Variants in GRB14 observed in about 807,000 individuals in gnomAD.
GRB14 encodes the protein growth factor receptor-bound protein 14.
Under a neutral mutation model 69.1 loss-of-function variants are expected in GRB14, and 38 were observed. That is an observed-to-expected ratio of 0.55 (90% CI 0.42 to 0.72). The LOEUF (loss-of-function observed/expected upper bound fraction) is 0.72. Among genes scored for constraint, GRB14 ranks in the 30% least tolerant of loss-of-function variants. GRB14 has a pLI of 0.00. For missense variants in GRB14, 666 were observed against 666.1 expected (o/e 1.00, Z 0.00); for synonymous variants, 247 against 241.3 (o/e 1.02, Z -0.22).
intron 11 of GRB14, 35 bp downstream of exon 11, chr2:164,497,176 G>A (rs371302328): frequency 1.5e-5 from 24 of 1,595,010 alleles, no homozygotes; most frequent in African/African-American, 1.1e-4. Context: ...ATGTCTATCC[G>A]TCTACTCAGT....
At chr2:164,617,702 A>T (rs1574361881) in intron 2 of GRB14, among the ~76,000 whole-genome samples, 1 of 152,196 alleles carries the variant, frequency 6.6e-6, no homozygotes, top group East Asian at 1.9e-4. Context: ...GTCAGCCCAG[A>T]TATCCTTCCC....
intron 2 of GRB14, among the ~76,000 whole-genome samples, chr2:164,599,502 A>C (rs1470553463): frequency 6.6e-6 from 1 of 152,238 alleles, no homozygotes; most frequent in Non-Finnish European, 1.5e-5. Context: ...AAGAATAAGG[A>C]ACAGTCGCTA....
Position 164,503,245 on chromosome 2 carries a change from C to T in GRB14, c.1024-910G>A, listed in dbSNP as rs1032245840. 1.1e-4 allele frequency among the ~76,000 whole-genome samples: 17 copies of T among 149,228 alleles called. No individual in the cohort carries two copies. In the South Asian group the frequency reaches 2.7e-3, roughly 24 times the overall value. On this transcript the variant is annotated intron_variant, in intron 8 of 13. Coordinates refer to ENST00000263915, the MANE Select transcript of GRB14 (RefSeq NM_004490.3). ...CTTTTTTCCCCTAGATTCTGCAATT[C>T]TGTCCATTTCATAGAGCCATAATGA...
At chr2:164,555,758 G>T (rs1453041409) in intron 2 of GRB14, among the ~76,000 whole-genome samples, 2 of 150,840 alleles carry the variant, frequency 1.3e-5, no homozygotes, top group Non-Finnish European at 3.0e-5. Context: ...AATTATATAT[G>T]TATAGTTAAC....
At chr2:164,585,719 C>A (rs1379323373) in intron 2 of GRB14, among the ~76,000 whole-genome samples, 2 of 151,830 alleles carry the variant, frequency 1.3e-5, no homozygotes, top group South Asian at 2.1e-4. Flanking sequence ...CTCAATAAAG[C>A]TGAAAAAATA....
intron 2 of GRB14, among the ~76,000 whole-genome samples, chr2:164,570,299 A>C (rs1168848087): frequency 6.6e-6 from 1 of 150,676 alleles, no homozygotes; most frequent in Non-Finnish European, 1.5e-5. Context: ...AAAAAAAAAA[A>C]AGTGTTATCT....
At chr2:164,618,211 C>T (rs1023247059) in intron 2 of GRB14, among the ~76,000 whole-genome samples, 2 of 151,920 alleles carry the variant, frequency 1.3e-5, no homozygotes, top group Admixed American at 6.6e-5. Context: ...GTGATCTGCC[C>T]GCCTCAGCCT....
At chr2:164,564,837 A>T (rs1688929971) in intron 2 of GRB14, among the ~76,000 whole-genome samples, 1 of 152,114 alleles carries the variant, frequency 6.6e-6, no homozygotes, top group African/African-American at 2.4e-5. Flanking sequence ...AACATGGTGA[A>T]ACCCCTTCTC....
rs1574365587 is a variant in GRB14 at position 164,621,019 on chromosome 2, C to G, written c.191+100G>C. ...TCTTCAGAGACTTTTACAAACTTGGCCCAGCTCTGGGCACATGGCTCACCC... is the reference window on the plus strand; with the variant it reads ...TCTTCAGAGACTTTTACAAACTTGGGCCAGCTCTGGGCACATGGCTCACCC... On this transcript the variant is annotated intron_variant, in intron 1 of 13. Transcript: ENST00000263915. The surrounding 1 kb of genome is among the most constrained non-coding windows in gnomAD (Gnocchi z 6.0). The G allele has an allele frequency of 9.5e-7, 1 of 1,053,518 alleles. No homozygotes were observed. Among genetic ancestry groups the G allele is most frequent in the Non-Finnish European group, 1.2e-6 (1 of 819,080 alleles). 65.3% of individuals were successfully genotyped at this position (1,053,518 alleles called of 1,614,324 possible).
chr2:164,533,497 G>A (rs1454113867), intron 3 of GRB14, among the ~76,000 whole-genome samples: 3 of 151,988 alleles, frequency 2.0e-5, no homozygotes, highest in Admixed American at 2.0e-4. Context: ...TGGGATTACA[G>A]GCGTGAGCCA....
chr2:164,543,512 A>G (rs936246892), intron 3 of GRB14, among the ~76,000 whole-genome samples: 22 of 152,336 alleles, frequency 1.4e-4, no homozygotes, highest in Admixed American at 2.0e-4. Flanking sequence ...TTGAAAATTC[A>G]TCATTTTGGA....
chr2:164,600,729 T>A (rs1349615696), intron 2 of GRB14, among the ~76,000 whole-genome samples: 1 of 152,222 alleles, frequency 6.6e-6, no homozygotes, highest in Non-Finnish European at 1.5e-5. Flanking sequence ...GATGGAAGGA[T>A]AATTATATTG....
At chr2:164,564,831 T>C (rs542375966) in intron 2 of GRB14, among the ~76,000 whole-genome samples, 2 of 152,212 alleles carry the variant, frequency 1.3e-5, no homozygotes, top group South Asian at 4.2e-4. Flanking sequence ...ATGGCTAACA[T>C]GGTGAAACCC....
chr2:164,543,386 A>G (rs914096505), intron 3 of GRB14, among the ~76,000 whole-genome samples: 1 of 152,158 alleles, frequency 6.6e-6, no homozygotes, highest in African/African-American at 2.4e-5. Context: ...GTCCTGCATA[A>G]AAAGAAATAA....
chr2:164,542,159 C>T (rs1345204873), intron 3 of GRB14, among the ~76,000 whole-genome samples: 3 of 151,996 alleles, frequency 2.0e-5, no homozygotes, highest in Admixed American at 6.6e-5. Flanking sequence ...ACAAAGTTGA[C>T]AAAAATAATC....
Position 164,497,220 on chromosome 2 carries a change from T to C in GRB14, c.1285A>G (p.Thr429Ala), listed in dbSNP as rs769811549. The C allele has an allele frequency of 3.1e-6, 5 of 1,613,640 alleles. No individual in the cohort carries two copies. The highest frequency in any genetic ancestry group is 1.7e-5 in the Admixed American group (1 of 59,998). Reference sequence around the variant, plus strand: ...CTATGAACAGACATACCCATGTTTGTGGCAGAGCTCTGTGAAGAGGCAGTG... The same window carrying C: ...CTATGAACAGACATACCCATGTTTGCGGCAGAGCTCTGTGAAGAGGCAGTG... ...SPTASSQSSA[T>A]NMAIHRSQPW... The change falls in exon 11 of 14, where the codon ACA (threonine) becomes GCA (alanine). Residue 429 changes from threonine to alanine, a missense_variant. Coordinates refer to ENST00000263915, the MANE Select transcript of GRB14 (RefSeq NM_004490.3).
intron 6 of GRB14, among the ~76,000 whole-genome samples, chr2:164,514,553 G>A (rs1038970293): frequency 2.0e-5 from 3 of 152,092 alleles, no homozygotes; most frequent in African/African-American, 7.2e-5. Flanking sequence ...GGGCACTCTC[G>A]GTCCCTGGGG....
chr2:164,578,527 C>T (rs918621455), intron 2 of GRB14, among the ~76,000 whole-genome samples: 1 of 149,944 alleles, frequency 6.7e-6, no homozygotes, highest in Non-Finnish European at 1.5e-5. Flanking sequence ...CGCGCGCACA[C>T]ACACACACAC....
intron 3 of GRB14, among the ~76,000 whole-genome samples, chr2:164,533,913 A>C (rs190954986): frequency 6.6e-6 from 1 of 152,360 alleles, no homozygotes; most frequent in African/African-American, 2.4e-5. Context: ...AAAAAATAAA[A>C]TAAAGGATAA....
Sources: allele counts gnomAD v4.1 joint callset (sites outside exome capture counted in the v4.1 genomes callset), GRCh38; gene constraint gnomAD v4.1.1; non-coding constraint Gnocchi (gnomAD v3.1); transcripts MANE v1.5; gene names NCBI Gene and HGNC (gene_info 2026-07-23, HGNC 2026-07-21).